SLIT3: variants seen among roughly 807,000 people sequenced by gnomAD.
SLIT3 encodes the protein slit guidance ligand 3, also known as slit homolog 3 protein.
In SLIT3, 68 loss-of-function variants were observed where a neutral mutation model predicts 184.0. The observed-to-expected ratio is 0.37, with a 90% CI of 0.30 to 0.45. The LOEUF (loss-of-function observed/expected upper bound fraction) is 0.45. SLIT3 is among the 20% of genes least tolerant of loss of function. The pLI is 1.00. For synonymous variants in SLIT3, 831 were observed against 828.6 expected, an observed-to-expected ratio of 1.00 and a Z score of -0.05; for missense variants, 1,707 against 2,026.0, an observed-to-expected ratio of 0.84 and a Z score of 3.02.
intron 27 of SLIT3, among the ~76,000 whole-genome samples, chr5:168,699,084 T>G (rs1258314121): frequency 6.6e-6 from 1 of 152,152 alleles, no homozygotes; most frequent in Non-Finnish European, 1.5e-5. Context: ...GCCACCTCCA[T>G]GTTTCCCTGC....
intron 4 of SLIT3, among the ~76,000 whole-genome samples, chr5:168,937,878 G>A (rs1346681086): frequency 2.1e-5 from 3 of 140,870 alleles, no homozygotes; most frequent in African/African-American, 3.1e-5. Flanking sequence ...TAATCATTAT[G>A]CATTTTTTTT....
intron 4 of SLIT3, among the ~76,000 whole-genome samples, chr5:168,890,314 G>A (rs962611109): frequency 2.0e-5 from 3 of 152,178 alleles, no homozygotes; most frequent in South Asian, 2.1e-4. Flanking sequence ...AAGGAAAAGA[G>A]AGAGATGCCA....
At chr5:168,800,341 T>G (rs1756720058) in intron 9 of SLIT3, among the ~76,000 whole-genome samples, 2 of 152,200 alleles carry the variant, frequency 1.3e-5, no homozygotes, top group Admixed American at 1.3e-4. Flanking sequence ...ATCCCAGCAC[T>G]TTGGGAGGCT....
At chr5:169,181,740 C>CAAAAAAAAAGAGACTTCATCTCA (rs1763165091) in intron 4 of SLIT3, among the ~76,000 whole-genome samples, 1 of 141,470 alleles carries the variant, frequency 7.1e-6, no homozygotes, top group Non-Finnish European at 1.5e-5. Context: ...GACTTCATCT[C>CAAAAAAAAAGAGACTTCATCTCA]AAAAAAAAAA....
intron 4 of SLIT3, among the ~76,000 whole-genome samples, chr5:169,164,100 T>G (rs555257174): frequency 6.6e-6 from 1 of 152,320 alleles, no homozygotes; most frequent in African/African-American, 2.4e-5. Flanking sequence ...ATGTTTTGTC[T>G]GCTCCTTTTC....
chr5:169,260,647 G>C (rs759605149), intron 1 of SLIT3, among the ~76,000 whole-genome samples: 4 of 152,150 alleles, frequency 2.6e-5, no homozygotes, highest in South Asian at 4.1e-4. Flanking sequence ...CCTCTGAAAT[G>C]ATCCCTGTGT....
chr5:169,144,962 T>C (rs751503296), intron 4 of SLIT3, among the ~76,000 whole-genome samples: 1 of 152,228 alleles, frequency 6.6e-6, no homozygotes, highest in Non-Finnish European at 1.5e-5. Flanking sequence ...AGCCTGATTA[T>C]GTTTAACCAT....
At chr5:169,193,403 C>T in intron 4 of SLIT3, 76 bp downstream of exon 4, 2 of 1,272,334 alleles carry the variant, frequency 1.6e-6, no homozygotes, top group South Asian at 2.4e-5. Context: ...CGGCACGGCG[C>T]TCCACAAACC....
chr5:168,806,753 T>G (rs1756977917), intron 8 of SLIT3, among the ~76,000 whole-genome samples, 166 bp from the exon 9 acceptor site: 1 of 152,150 alleles, frequency 6.6e-6, no homozygotes, highest in South Asian at 2.1e-4. Flanking sequence ...TGCCACAGGC[T>G]AAATATTCAG....
At chr5:169,272,383 C>A (rs1306420947) in intron 1 of SLIT3, among the ~76,000 whole-genome samples, 1 of 152,236 alleles carries the variant, frequency 6.6e-6, no homozygotes, top group East Asian at 1.9e-4. Context: ...TAAGATTTCA[C>A]AAGCAGCCCA....
At chr5:169,080,755 C>T (rs34366091) in intron 4 of SLIT3, among the ~76,000 whole-genome samples, 233 of 152,278 alleles carry the variant, frequency 1.5e-3, no homozygotes, top group Non-Finnish European at 2.4e-3. Context: ...GCTGCAGTTA[C>T]GTCCTCAGCT....
At chr5:168,934,965 TAAA>T (rs59434182) in intron 4 of SLIT3, among the ~76,000 whole-genome samples, 7 of 120,464 alleles carry the variant, frequency 5.8e-5, no homozygotes, top group Admixed American at 1.7e-4. Context: ...CCATCTCTAC[TAAA>T]AAAAAAAAAA....
At chr5:169,115,862 G>A (rs973800260) in intron 4 of SLIT3, among the ~76,000 whole-genome samples, 1 of 152,202 alleles carries the variant, frequency 6.6e-6, no homozygotes, top group African/African-American at 2.4e-5. Flanking sequence ...GCTCCTGACA[G>A]CCATGGAAGG....
At chr5:169,224,285 A>G (rs1167712717) in intron 3 of SLIT3, among the ~76,000 whole-genome samples, 1 of 152,226 alleles carries the variant, frequency 6.6e-6, no homozygotes, top group Non-Finnish European at 1.5e-5. Flanking sequence ...GAAAATTACT[A>G]TGATAGGAGA....
intron 4 of SLIT3, among the ~76,000 whole-genome samples, chr5:168,954,966 G>A (rs750420586): frequency 6.6e-6 from 1 of 152,076 alleles, no homozygotes; most frequent in Non-Finnish European, 1.5e-5. Context: ...TCCAGGTTCC[G>A]GCCTCATTCC....
intron 27 of SLIT3, 73 bp downstream of exon 27, chr5:168,700,509 G>T (rs549946262): frequency 1.9e-6 from 2 of 1,056,786 alleles, no homozygotes; most frequent in Non-Finnish European, 3.0e-6. Flanking sequence ...AAATTACCCA[G>T]TCTTGGGTAT....
At chr5:168,690,043 T>TAAGTTC (rs1469439690) in intron 29 of SLIT3, among the ~76,000 whole-genome samples, 4 of 152,142 alleles carry the variant, frequency 2.6e-5, no homozygotes, top group Non-Finnish European at 5.9e-5. Flanking sequence ...TTTCTAGGAA[T>TAAGTTC]AAGTTCTGGG....
At chr5:169,231,191 CTT>C (rs1213147880) in intron 3 of SLIT3, among the ~76,000 whole-genome samples, 1 of 152,164 alleles carries the variant, frequency 6.6e-6, no homozygotes, top group Non-Finnish European at 1.5e-5. Flanking sequence ...ATATCTGTCT[CTT>C]GAGTCTCTTT....
intron 4 of SLIT3, among the ~76,000 whole-genome samples, chr5:169,142,666 TA>T (rs1761786248): frequency 6.6e-6 from 1 of 152,208 alleles, no homozygotes; most frequent in African/African-American, 2.4e-5. Context: ...ACTCTGGACA[TA>T]AGCCCTAACT....
Sources: gnomAD v4.1 joint callset for allele counts (sites outside exome capture counted in the v4.1 genomes callset) on GRCh38, gnomAD v4.1.1 for gene constraint, MANE v1.5 for transcripts, NCBI Gene and HGNC (gene_info 2026-07-23, HGNC 2026-07-21) for gene names.